Variants in SLC4A1AP observed in about 807,000 individuals in gnomAD.
SLC4A1AP encodes solute carrier family 4 member 1 adaptor protein, also known as kanadaptin.
Under a neutral mutation model 89.7 loss-of-function variants are expected in SLC4A1AP, and 64 were observed. The observed-to-expected ratio is 0.71, with a 90% confidence interval of 0.58 to 0.88. SLC4A1AP has a LOEUF of 0.88. SLC4A1AP is among the 40% of genes least tolerant of loss of function. SLC4A1AP has a pLI of 0.00. For synonymous variants in SLC4A1AP, 366 were observed against 353.3 expected, an observed-to-expected ratio of 1.04 and a Z score of -0.40; for missense variants, 931 against 965.0, an observed-to-expected ratio of 0.96 and a Z score of 0.47.
intron 11 of SLC4A1AP, among the ~76,000 whole-genome samples, chr2:27,688,428 G>A (rs1214186749): frequency 2.6e-5 from 4 of 152,182 alleles, no homozygotes; most frequent in Non-Finnish European, 4.4e-5. Flanking sequence ...CTGTGGACTA[G>A]TAAAATCAGC....
Position 27,691,437 on chromosome 2 carries a change from T to C in SLC4A1AP, c.2272-2248T>C, listed in dbSNP as rs1403774107. ...GAACTAATATAGAATCTTCTTTTCT[T>C]GTCTAATCTAGCTAATGATCTATGA... On this transcript the variant is annotated intron_variant, in intron 12 of 13. Coordinates refer to ENST00000613058, the Ensembl canonical transcript of SLC4A1AP. 2.6e-5 allele frequency: 4 copies of C among 152,258 alleles called. No individual in the cohort carries two copies. The East Asian group carries it at 7.7e-4, about 29-fold the overall frequency. 9.4% of individuals were successfully genotyped at this position (152,258 alleles called of 1,614,324 possible).
rs371307840 is a variant in SLC4A1AP at position 27,664,510 on chromosome 2, C to T, written c.758C>T (p.Thr253Ile). ...AACAAAACTCGCATCCCACCTCGCA[C>T]CTACTGTCGAGTCCACGTTGGGCAT... The change falls in exon 1 of 14, where the codon ACC (threonine) becomes ATC (isoleucine). Residue 253 changes from threonine (T) to isoleucine (I), a missense_variant. By Grantham distance (89) the Thr-to-Ile change is moderately conservative (BLOSUM62 -1). Coordinates refer to ENST00000613058, the Ensembl canonical transcript of SLC4A1AP. 3.7e-6 allele frequency: 6 copies of T among 1,614,076 alleles called. No homozygotes were observed. The African/African-American group carries it at 5.3e-5, about 14-fold the overall frequency.
chr2:27,677,145 A>C (rs1675536996), intron 6 of SLC4A1AP, 150 bp from the exon 7 acceptor site: 1 of 669,236 alleles, frequency 1.5e-6, no homozygotes, highest in Non-Finnish European at 2.7e-6. Context: ...CTCAAAACAA[A>C]AAAAAAAGTG....
At position 27,677,895 on chromosome 2, in the gene SLC4A1AP, A is replaced by G. The variant is rs368881331; in HGVS notation, c.1734A>G (p.Val578=). The change falls in exon 8 of 14, where the codon GTA becomes GTG. Residue 578 remains valine (V), a synonymous_variant. Coordinates refer to ENST00000613058, the Ensembl canonical transcript of SLC4A1AP. ...GACTTAAAGGGTTAATAAAAATTGT[A>G]AAGCCAGCAGAGATTCCAGAACTAA... 6 of 1,607,500 alleles carry G rather than the reference A, an allele frequency of 3.7e-6. No homozygotes were observed. The Admixed American group carries it at 5.2e-5, about 14-fold the overall frequency.
intron 1 of SLC4A1AP, 96 bp from the exon 2 acceptor site, chr2:27,665,004 G>T (rs1050592586): frequency 1.1e-6 from 1 of 884,962 alleles, no homozygotes; most frequent in Non-Finnish European, 1.7e-6. Context: ...CTGCAGTGAG[G>T]TGTATTACAG....
intron 11 of SLC4A1AP, among the ~76,000 whole-genome samples, 166 bp downstream of exon 11, chr2:27,688,186 G>T (rs888165089): frequency 1.4e-4 from 21 of 152,102 alleles, no homozygotes; most frequent in African/African-American, 4.8e-4. Context: ...GTTTGTATTT[G>T]GTGCCATCCC....
At position 27,669,228 on chromosome 2, in the gene SLC4A1AP, T is replaced by C; in HGVS notation, c.1206-20T>C. 1 of 1,595,018 alleles carries C rather than the reference T, an allele frequency of 6.3e-7. No individual in the cohort carries two copies. The highest frequency in any genetic ancestry group is 8.5e-7 in the Non-Finnish European group (1 of 1,174,412). ...ATTGGAGCTTAATGCTGTGCTATAA[T>C]TCCCACCAAATCAATGAAGATTACC... On this transcript the variant is annotated intron_variant, in intron 4 of 13. Transcript: ENST00000613058.
intron 9 of SLC4A1AP, among the ~76,000 whole-genome samples, chr2:27,683,924 A>C (rs1156925573): frequency 6.6e-6 from 1 of 151,842 alleles, no homozygotes; most frequent in Non-Finnish European, 1.5e-5. Flanking sequence ...TTTTTTTAGT[A>C]GAGACAGTTT....
At chr2:27,667,431 A>C in intron 3 of SLC4A1AP, 41 bp downstream of exon 3, 1 of 1,565,470 alleles carries the variant, frequency 6.4e-7, no homozygotes, top group East Asian at 2.3e-5. Flanking sequence ...AAACATATCC[A>C]GAGCAGTGTG....
intron 5 of SLC4A1AP, among the ~76,000 whole-genome samples, chr2:27,669,941 G>A (rs1340766287): frequency 6.6e-6 from 1 of 152,192 alleles, no homozygotes; most frequent in Non-Finnish European, 1.5e-5. Flanking sequence ...TCACCTCACT[G>A]CAACCTCTGC....
intron 8 of SLC4A1AP, among the ~76,000 whole-genome samples, chr2:27,680,120 C>T (rs72613829): frequency 0.17 from 25,308 of 152,024 alleles, 3,290 homozygotes; most frequent in East Asian, 0.58. Flanking sequence ...CTTTAGCAGC[C>T]GATGTCTGCA....
At chr2:27,678,655 A>G (rs1309497262) in intron 8 of SLC4A1AP, among the ~76,000 whole-genome samples, 1 of 152,130 alleles carries the variant, frequency 6.6e-6, no homozygotes, top group Non-Finnish European at 1.5e-5. Flanking sequence ...TACAAATAGC[A>G]TCTTTTATAC....
intron 5 of SLC4A1AP, among the ~76,000 whole-genome samples, chr2:27,674,982 A>G (rs1338510610): frequency 1.3e-5 from 2 of 152,152 alleles, no homozygotes; most frequent in South Asian, 2.1e-4. Flanking sequence ...TGGGATTACC[A>G]TGCCTGGCCA....
At chr2:27,684,427 C>CA (rs574920714) in intron 9 of SLC4A1AP, among the ~76,000 whole-genome samples, 4,972 of 103,660 alleles carry the variant, frequency 0.048, 272 homozygotes, top group African/African-American at 0.16. Context: ...GACTCTGTCT[C>CA]AAAAAAAAAA....
In SLC4A1AP at chr2:27,663,963, A is replaced by T. The variant is rs756697288; in HGVS notation, c.211A>T (p.Ser71Cys). The change falls in exon 1 of 14, where the codon AGT becomes TGT. Residue 71 changes from serine to cysteine, a missense_variant. Transcript: ENST00000613058. Reference sequence around the variant, plus strand: ...AGAGACCCTGGCGTCGCAAGACCTCAGTGGGGACTTCAAGAAGCCAGCTCT... The same window carrying T: ...AGAGACCCTGGCGTCGCAAGACCTCTGTGGGGACTTCAAGAAGCCAGCTCT... 3.1e-6 allele frequency: 5 copies of T among 1,614,198 alleles called. No homozygotes were observed. In the East Asian group the frequency reaches 1.1e-4, roughly 36 times the overall value.
At chr2:27,680,636 A>T (rs1675604098) in intron 8 of SLC4A1AP, among the ~76,000 whole-genome samples, 1 of 151,884 alleles carries the variant, frequency 6.6e-6, no homozygotes, top group Admixed American at 6.6e-5. Flanking sequence ...CAAAAGATAA[A>T]AACTTAGCTG....
chr2:27,668,559 C>G, intron 3 of SLC4A1AP: 1 of 578,330 alleles, frequency 1.7e-6, no homozygotes, highest in Non-Finnish European at 3.3e-6. Context: ...AAGCTATGCT[C>G]CGGCCTTAGC....
At chr2:27,676,301 A>T (rs1675521578) in intron 6 of SLC4A1AP, among the ~76,000 whole-genome samples, 1 of 152,208 alleles carries the variant, frequency 6.6e-6, no homozygotes, top group Non-Finnish European at 1.5e-5. Context: ...TCAGTATTAA[A>T]AATGCATTGA....
chr2:27,682,235 T>C lies in SLC4A1AP; in HGVS notation c.1764-13T>C. 1 of 1,567,996 alleles carries C rather than the reference T, an allele frequency of 6.4e-7. No homozygotes were observed. The highest frequency in any genetic ancestry group is 8.8e-7 in the Non-Finnish European group (1 of 1,142,204). On this transcript the variant is annotated splice_polypyrimidine_tract_variant and intron_variant, in intron 8 of 13. Transcript: ENST00000613058. The stretch of plus-strand genomic sequence containing the variant: ...CCCTGGAATAGATGTGTATAATTAT[T>C]CTTTCTTCCTAGGACTGAAACTCAG...
Sources: gnomAD v4.1 joint callset for allele counts (sites outside exome capture counted in the v4.1 genomes callset) on GRCh38, gnomAD v4.1.1 for gene constraint, MANE v1.5 for transcripts, NCBI Gene and HGNC (gene_info 2026-07-23, HGNC 2026-07-21) for gene names.